NREP: variants seen among roughly 807,000 people sequenced by gnomAD.
NREP encodes neuronal regeneration related protein.
NREP carries 5 observed loss-of-function variants against 8.6 expected under a neutral mutation model. The ratio of observed to expected loss-of-function variants is 0.58; its 90% CI spans 0.30 to 1.22. NREP has a LOEUF of 1.22. Ranked by LOEUF, NREP falls within the 50% of genes most tolerant of loss-of-function variation. The pLI is 0.07. For missense variants in NREP, 86 were observed against 82.5 expected (o/e 1.04, Z -0.17); for synonymous variants, 27 against 28.0 (o/e 0.96, Z 0.11).
chr5:111,818,198 C>A (rs1468333410), intron 2 of NREP, among the ~76,000 whole-genome samples: 1 of 152,098 alleles, frequency 6.6e-6, no homozygotes, highest in African/African-American at 2.4e-5. Flanking sequence ...AGAAAATCTG[C>A]AGTGTCATAT....
chr5:111,961,220 C>A (rs1323467946), intron 2 of NREP, among the ~76,000 whole-genome samples: 4 of 152,214 alleles, frequency 2.6e-5, no homozygotes, highest in Non-Finnish European at 4.4e-5. Context: ...CAGCACTTTG[C>A]TTCTCATGGA....
At chr5:111,889,190 CT>C (rs1408262601) in intron 2 of NREP, among the ~76,000 whole-genome samples, 33 of 152,174 alleles carry the variant, frequency 2.2e-4, no homozygotes, top group African/African-American at 6.8e-4. Flanking sequence ...GTGTCTGCTT[CT>C]GGGGAGGCCC....
At chr5:111,761,890 T>G (rs1750968010), upstream of NREP, among the ~76,000 whole-genome samples, 1 of 152,214 alleles carries the variant, frequency 6.6e-6, no homozygotes, top group Non-Finnish European at 1.5e-5. Flanking sequence ...ATGTGAATGC[T>G]ATTCTTAAAG....
chr5:111,923,809 G>C (rs925130043), intron 2 of NREP, among the ~76,000 whole-genome samples: 10 of 152,172 alleles, frequency 6.6e-5, no homozygotes, highest in Admixed American at 6.5e-5. Flanking sequence ...TTCCCTATTG[G>C]AAGACTAAGG....
intron 2 of NREP, among the ~76,000 whole-genome samples, chr5:111,937,376 T>G (rs966537257): frequency 6.6e-6 from 1 of 152,102 alleles, no homozygotes; most frequent in African/African-American, 2.4e-5. Flanking sequence ...CAAACTTGAA[T>G]TGTTCAAGAC....
At chr5:111,769,462 C>T (rs978838717) in intron 2 of NREP, among the ~76,000 whole-genome samples, 15 of 152,156 alleles carry the variant, frequency 9.9e-5, no homozygotes, top group Non-Finnish European at 1.5e-4. Flanking sequence ...GTGAGGAAAG[C>T]GGTATTTAGG....
intron 2 of NREP, among the ~76,000 whole-genome samples, chr5:111,915,324 C>A (rs1206587434): frequency 1.3e-5 from 2 of 150,330 alleles, no homozygotes; most frequent in Non-Finnish European, 2.9e-5. Flanking sequence ...ACTCTTCTCT[C>A]TGTAATGCTT....
intron 2 of NREP, among the ~76,000 whole-genome samples, chr5:111,777,990 G>A (rs557556499): frequency 6.6e-6 from 1 of 152,218 alleles, no homozygotes; most frequent in South Asian, 2.1e-4. Context: ...ATGTTAAACA[G>A]CAAAATATCA....
chr5:111,946,459 T>C (rs939693858), intron 2 of NREP, among the ~76,000 whole-genome samples: 2 of 151,972 alleles, frequency 1.3e-5, no homozygotes, highest in Non-Finnish European at 2.9e-5. Context: ...AACCAGAAAA[T>C]ACAAAGTTTT....
intron 2 of NREP, among the ~76,000 whole-genome samples, chr5:111,797,146 G>T (rs1475940898): frequency 6.6e-6 from 1 of 152,152 alleles, no homozygotes; most frequent in Non-Finnish European, 1.5e-5. Flanking sequence ...AATACACATA[G>T]ACTGTGGGAC....
At chr5:111,739,756 T>A (rs1749485427) in intron 2 of NREP, 1 of 152,158 alleles carries the variant, frequency 6.6e-6, no homozygotes, top group Non-Finnish European at 1.5e-5. Context: ...TTCGGTGGTT[T>A]GCATCTAGAA....
intron 2 of NREP, among the ~76,000 whole-genome samples, chr5:111,791,263 A>T (rs1300756981): frequency 1.3e-5 from 2 of 152,160 alleles, no homozygotes; most frequent in African/African-American, 4.8e-5. Flanking sequence ...CAAGTATACA[A>T]TGCATTGTTA....
At chr5:111,782,341 T>C (rs1751512134) in intron 2 of NREP, among the ~76,000 whole-genome samples, 1 of 152,212 alleles carries the variant, frequency 6.6e-6, no homozygotes, top group South Asian at 2.1e-4. Context: ...CCATTCAAAA[T>C]GTCCTAACCT....
At chr5:111,873,959 A>G (rs1753847339) in intron 2 of NREP, among the ~76,000 whole-genome samples, 1 of 150,750 alleles carries the variant, frequency 6.6e-6, no homozygotes, top group Non-Finnish European at 1.5e-5. Context: ...TCAGAGTCTC[A>G]GGTGGAGACA....
At chr5:111,881,941 T>A (rs1385341400) in intron 2 of NREP, among the ~76,000 whole-genome samples, 1 of 152,114 alleles carries the variant, frequency 6.6e-6, no homozygotes, top group African/African-American at 2.4e-5. Flanking sequence ...CTCCAAAGGA[T>A]CACAGTTCCT....
chr5:111,745,714 C>T (rs1265834026), intron 2 of NREP, among the ~76,000 whole-genome samples: 4 of 152,160 alleles, frequency 2.6e-5, no homozygotes, highest in Non-Finnish European at 4.4e-5. Flanking sequence ...TCTGCAGACA[C>T]ACAAACCATA....
chr5:111,968,333 A>G (rs944622314), intron 2 of NREP, among the ~76,000 whole-genome samples: 1 of 152,242 alleles, frequency 6.6e-6, no homozygotes, highest in African/African-American at 2.4e-5. Flanking sequence ...AACCTATTGC[A>G]TAAGAAAATT....
intron 2 of NREP, among the ~76,000 whole-genome samples, chr5:111,772,361 G>C (rs79558006): frequency 0.031 from 4,701 of 152,072 alleles, 91 homozygotes; most frequent in East Asian, 0.066. Context: ...CAATTCATTT[G>C]TTATTTTTGT....
At chr5:111,757,420 C>G (rs897587837), upstream of NREP, 39 of 983,128 alleles carry the variant, frequency 4.0e-5, no homozygotes, top group South Asian at 4.7e-5. Flanking sequence ...CTCTCTTTCT[C>G]TAAGAGTCTC....
Sources: allele counts gnomAD v4.1 joint callset (sites outside exome capture counted in the v4.1 genomes callset), GRCh38; gene constraint gnomAD v4.1.1; transcripts MANE v1.5; gene names NCBI Gene and HGNC (gene_info 2026-07-23, HGNC 2026-07-21).